Variants in FBXL7 observed in about 807,000 individuals in gnomAD.
The protein encoded by FBXL7 is F-box and leucine rich repeat protein 7.
FBXL7 carries 12 observed loss-of-function variants against 38.3 expected under a neutral mutation model. That is an observed-to-expected ratio of 0.31 (90% CI 0.20 to 0.51). The LOEUF is 0.51. Ranked by LOEUF, FBXL7 falls within the 20% of genes least tolerant of loss-of-function variation. The probability of loss-of-function intolerance (pLI) is 0.98; values close to 1 mark genes in which losing one functional copy is unlikely to be tolerated. For missense variants in FBXL7, 567 were observed against 676.4 expected, an observed-to-expected ratio of 0.84 and a Z score of 1.79; for synonymous variants, 297 against 300.9, an observed-to-expected ratio of 0.99 and a Z score of 0.13.
intron 2 of FBXL7, among the ~76,000 whole-genome samples, chr5:15,631,211 G>A (rs943663712): frequency 1.3e-5 from 2 of 152,038 alleles, no homozygotes; most frequent in Non-Finnish European, 2.9e-5. Flanking sequence ...TAAGTACTTA[G>A]CATATATGGA....
chr5:15,898,332 A>G (rs545659961), intron 2 of FBXL7, among the ~76,000 whole-genome samples: 6 of 152,268 alleles, frequency 3.9e-5, no homozygotes, highest in African/African-American at 1.4e-4. Flanking sequence ...ATTTACTTGA[A>G]AACATGACGA....
intron 2 of FBXL7, among the ~76,000 whole-genome samples, chr5:15,709,969 A>G (rs1164383215): frequency 6.6e-6 from 1 of 152,188 alleles, no homozygotes; most frequent in Non-Finnish European, 1.5e-5. Context: ...GCCTCCACCT[A>G]TTAAAACTAT....
intron 2 of FBXL7, among the ~76,000 whole-genome samples, chr5:15,749,365 G>A (rs1018847777): frequency 8.6e-5 from 13 of 151,984 alleles, no homozygotes; most frequent in Non-Finnish European, 4.4e-5. Flanking sequence ...GGTGGCTCAC[G>A]CCTGTAATCC....
chr5:15,590,401 A>G lies in FBXL7; in HGVS notation c.38-25582A>G, dbSNP rs1739434986. On this transcript the variant is annotated intron_variant, in intron 1 of 3. Transcript: ENST00000504595. ...TTGACCTAGCTTTCTGCAATCTGAT[A>G]TGCCAGTCTGCTTGTTATAATCCTT... Among the ~76,000 whole-genome samples, 5 of 151,958 alleles carry G rather than the reference A, an allele frequency of 3.3e-5. 1 individual carries two copies. The South Asian group carries it at 8.3e-4, about 25-fold the overall frequency.
intron 2 of FBXL7, among the ~76,000 whole-genome samples, chr5:15,778,426 C>A (rs541128397): frequency 2.0e-5 from 3 of 152,140 alleles, no homozygotes; most frequent in African/African-American, 7.2e-5. Flanking sequence ...GCTGGGTGCA[C>A]AATTAAATAA....
At chr5:15,633,032 A>T (rs189414426) in intron 2 of FBXL7, among the ~76,000 whole-genome samples, 1 of 152,310 alleles carries the variant, frequency 6.6e-6, no homozygotes, top group Admixed American at 6.5e-5. Context: ...AAAGTTAAAG[A>T]ACAATGTTTA....
At position 15,541,441 on chromosome 5, in the gene FBXL7, G is replaced by GTATATA. The variant is rs35405191; in HGVS notation, c.37+40729_37+40730insATATAT. On this transcript the variant is annotated intron_variant, in intron 1 of 3. Coordinates refer to ENST00000504595, the MANE Select transcript of FBXL7 (RefSeq NM_012304.5). ...ATACATATAGTATATATGTGTGTGT[G>GTATATA]TGTATATATATATATATATATATAT... Among the ~76,000 whole-genome samples the GTATATA allele has an allele frequency of 8.4e-3, 449 of 53,200 alleles. 3 individuals carry two copies. Among genetic ancestry groups the GTATATA allele is most frequent in the African/African-American group, 9.4e-3 (146 of 15,598 alleles). 34.9% of individuals were successfully genotyped at this position (53,200 alleles called of 152,430 possible).
intron 1 of FBXL7, among the ~76,000 whole-genome samples, chr5:15,547,051 G>A (rs1008779238): frequency 6.6e-6 from 1 of 152,200 alleles, no homozygotes. Flanking sequence ...CCTTGATTCA[G>A]AGGTGAGACC....
At chr5:15,824,301 A>AG (rs1481278879) in intron 2 of FBXL7, among the ~76,000 whole-genome samples, 1 of 151,596 alleles carries the variant, frequency 6.6e-6, no homozygotes, top group East Asian at 1.9e-4. Context: ...GTCTCAAAAA[A>AG]AAAAAAAAAA....
chr5:15,602,561 G>T (rs1739831880), intron 1 of FBXL7, among the ~76,000 whole-genome samples: 1 of 152,096 alleles, frequency 6.6e-6, no homozygotes, highest in Non-Finnish European at 1.5e-5. Flanking sequence ...ATCAAGTGCA[G>T]AAGACAGGCT....
intron 1 of FBXL7, among the ~76,000 whole-genome samples, chr5:15,596,882 C>T (rs62347909): frequency 6.6e-6 from 1 of 152,118 alleles, no homozygotes; most frequent in Non-Finnish European, 1.5e-5. Flanking sequence ...CATACCTCGC[C>T]CTGTGCATCT....
intron 1 of FBXL7, among the ~76,000 whole-genome samples, chr5:15,574,246 C>G (rs955811835): frequency 1.3e-5 from 2 of 152,124 alleles, no homozygotes; most frequent in African/African-American, 2.4e-5. Flanking sequence ...ACAGTTTTGA[C>G]TTAAAAATAA....
intron 2 of FBXL7, among the ~76,000 whole-genome samples, chr5:15,715,017 C>A (rs1452490851): frequency 6.6e-6 from 1 of 152,052 alleles, no homozygotes; most frequent in Non-Finnish European, 1.5e-5. Context: ...CAGATTCTCC[C>A]CTGAGCCTCT....
intron 2 of FBXL7, among the ~76,000 whole-genome samples, chr5:15,903,934 CT>C (rs1246439839): frequency 6.6e-6 from 1 of 151,864 alleles, no homozygotes; most frequent in Admixed American, 6.6e-5. Flanking sequence ...TTGGAGAGTA[CT>C]TTTTTATAGC....
chr5:15,631,663 ACT>A (rs1196872763), intron 2 of FBXL7, among the ~76,000 whole-genome samples: 1 of 117,960 alleles, frequency 8.5e-6, no homozygotes, highest in Admixed American at 9.9e-5. Context: ...CAAGAGCGAG[ACT>A]CCAAAAAAAA....
chr5:15,526,397 T>G (rs563328455), intron 1 of FBXL7, among the ~76,000 whole-genome samples: 31 of 152,282 alleles, frequency 2.0e-4, no homozygotes, highest in African/African-American at 7.2e-4. Context: ...ATACACCTTG[T>G]CTGGGAAGAA....
At chr5:15,926,750 T>C (rs1019993440) in intron 2 of FBXL7, among the ~76,000 whole-genome samples, 1 of 152,004 alleles carries the variant, frequency 6.6e-6, no homozygotes, top group Non-Finnish European at 1.5e-5. Flanking sequence ...ATAAACATGT[T>C]TCCAGTTACC....
At chr5:15,632,978 T>C (rs1303360903) in intron 2 of FBXL7, among the ~76,000 whole-genome samples, 1 of 152,156 alleles carries the variant, frequency 6.6e-6, no homozygotes, top group East Asian at 1.9e-4. Context: ...AACCTACACA[T>C]GTACCCCCTG....
At chr5:15,882,066 C>G (rs954270443) in intron 2 of FBXL7, among the ~76,000 whole-genome samples, 2 of 152,038 alleles carry the variant, frequency 1.3e-5, no homozygotes, top group African/African-American at 4.8e-5. Flanking sequence ...AGGACCAGGT[C>G]AAATGAGAAT....
Sources: allele counts gnomAD v4.1 joint callset (sites outside exome capture counted in the v4.1 genomes callset), GRCh38; gene constraint gnomAD v4.1.1; transcripts MANE v1.5; gene names NCBI Gene and HGNC (gene_info 2026-07-23, HGNC 2026-07-21).